MAGI1: variants seen among roughly 807,000 people sequenced by gnomAD.
MAGI1 encodes the protein membrane associated guanylate kinase, WW and PDZ domain containing 1, also known as membrane-associated guanylate kinase, WW and PDZ domain-containing protein 1.
A neutral mutation model predicts 139.9 loss-of-function variants in MAGI1; 58 were observed. The ratio of observed to expected loss-of-function variants is 0.41; its 90% confidence interval spans 0.34 to 0.52. The LOEUF (loss-of-function observed/expected upper bound fraction) is 0.52, where lower values mean the gene tolerates loss of function less well. Among genes scored for constraint, MAGI1 ranks in the 20% least tolerant of loss-of-function variants. The probability of loss-of-function intolerance (pLI) is 0.12; values close to 1 mark genes in which losing one functional copy is unlikely to be tolerated. For missense variants in MAGI1, 1,874 were observed against 1,901.6 expected (o/e 0.99, Z 0.27); for synonymous variants, 812 against 737.9 (o/e 1.10, Z -1.63).
intron 3 of MAGI1, among the ~76,000 whole-genome samples, chr3:65,489,403 T>C (rs747810620): frequency 4.8e-4 from 73 of 152,340 alleles, no homozygotes; most frequent in Middle Eastern, 6.8e-3. Flanking sequence ...AAGGCTTGCT[T>C]TAAAACTGTG....
chr3:65,492,465 G>C (rs1465248937), intron 3 of MAGI1, among the ~76,000 whole-genome samples: 1 of 152,074 alleles, frequency 6.6e-6, no homozygotes, highest in African/African-American at 2.4e-5. Context: ...ATAAATTACG[G>C]TATGCCCATA....
intron 10 of MAGI1, among the ~76,000 whole-genome samples, chr3:65,436,085 G>A (rs1947826588): frequency 1.3e-5 from 2 of 152,022 alleles, no homozygotes; most frequent in Admixed American, 6.6e-5. Flanking sequence ...CCATTAAAAA[G>A]TGCATTCATG....
chr3:65,897,548 A>G (rs2061026621), intron 1 of MAGI1, among the ~76,000 whole-genome samples: 1 of 152,070 alleles, frequency 6.6e-6, no homozygotes, highest in Non-Finnish European at 1.5e-5. Context: ...GCAAACCAAC[A>G]TGGCACATGT....
chr3:65,752,578 C>CTG (rs1484277143), intron 1 of MAGI1, among the ~76,000 whole-genome samples: 1 of 152,142 alleles, frequency 6.6e-6, no homozygotes, highest in Non-Finnish European at 1.5e-5. Flanking sequence ...AAGCAAGCTA[C>CTG]TAAGGTTATG....
chr3:65,724,501 T>C (rs139109759), intron 1 of MAGI1, among the ~76,000 whole-genome samples: 149 of 152,332 alleles, frequency 9.8e-4, no homozygotes, highest in African/African-American at 3.5e-3. Flanking sequence ...TTAGAATGGA[T>C]GCTATCTGAA....
At chr3:65,573,224 T>C (rs928906841) in intron 2 of MAGI1, among the ~76,000 whole-genome samples, 1 of 152,058 alleles carries the variant, frequency 6.6e-6, no homozygotes, top group African/African-American at 2.4e-5. Flanking sequence ...CTACTTAATA[T>C]TATAGACATA....
At chr3:65,715,381 A>G (rs532149526) in intron 1 of MAGI1, among the ~76,000 whole-genome samples, 2 of 152,310 alleles carry the variant, frequency 1.3e-5, no homozygotes, top group African/African-American at 4.8e-5. Flanking sequence ...TTTTAGTAAT[A>G]CAGGTGTAAG....
intron 1 of MAGI1, among the ~76,000 whole-genome samples, chr3:65,650,061 G>A (rs922087271): frequency 1.6e-4 from 24 of 152,144 alleles, no homozygotes; most frequent in Admixed American, 2.6e-4. Context: ...TGAGAGGTGT[G>A]ACCTTTAAGA....
intron 18 of MAGI1, among the ~76,000 whole-genome samples, chr3:65,365,425 A>T (rs1309932084): frequency 1.3e-5 from 2 of 152,216 alleles, no homozygotes; most frequent in Non-Finnish European, 2.9e-5. Flanking sequence ...AAGTGTACTA[A>T]CAACTTGTTA....
chr3:65,800,219 A>C (rs1245103129), intron 1 of MAGI1, among the ~76,000 whole-genome samples: 1 of 152,214 alleles, frequency 6.6e-6, no homozygotes, highest in Non-Finnish European at 1.5e-5. Context: ...GCCTTTAGTA[A>C]GTGCTAATCC....
At position 65,453,187 on chromosome 3, in the gene MAGI1, G is replaced by A. The variant is rs757832479; in HGVS notation, c.1042+71C>T. On this transcript the variant is annotated intron_variant, in intron 6 of 22. Coordinates refer to ENST00000402939, the MANE Select transcript of MAGI1 (RefSeq NM_001033057.2). ...CATAAGACCCGACTGACCTGGCTAC[G>A]ACTCTTTAAAATTTGCACATGTGAA... 57 of 1,349,644 alleles carry A rather than the reference G, an allele frequency of 4.2e-5. No homozygotes were observed. In the East Asian group the frequency reaches 6.6e-4, roughly 16 times the overall value. 83.6% of individuals were successfully genotyped at this position (1,349,644 alleles called of 1,614,324 possible).
chr3:65,390,916 A>G (rs1943872863), intron 14 of MAGI1, among the ~76,000 whole-genome samples: 1 of 152,198 alleles, frequency 6.6e-6, no homozygotes, highest in Non-Finnish European at 1.5e-5. Context: ...TACCCAGGGC[A>G]TTTATGTGAT....
chr3:65,478,502 G>A, intron 4 of MAGI1, 90 bp downstream of exon 4: 1 of 1,293,914 alleles, frequency 7.7e-7, no homozygotes, highest in South Asian at 1.2e-5. Context: ...AATCCCTCCT[G>A]AGAACAGCAT....
chr3:65,650,469 A>G (rs2085517221), intron 1 of MAGI1, among the ~76,000 whole-genome samples: 2 of 152,240 alleles, frequency 1.3e-5, no homozygotes, highest in South Asian at 2.1e-4. Flanking sequence ...GGAAGGAACT[A>G]TTGATACATG....
At chr3:65,397,725 A>C (rs1186185184) in intron 13 of MAGI1, among the ~76,000 whole-genome samples, 6 of 152,166 alleles carry the variant, frequency 3.9e-5, no homozygotes, top group Non-Finnish European at 8.8e-5. Context: ...ATGATGACTT[A>C]TAAGTTATTA....
chr3:65,902,847 T>C (rs551796087), intron 1 of MAGI1: 1 of 152,874 alleles, frequency 6.5e-6, no homozygotes, highest in African/African-American at 2.4e-5. Context: ...AAAATGAAAA[T>C]TGCCTTAAGG....
chr3:65,809,231 T>C (rs1371329256), intron 1 of MAGI1, among the ~76,000 whole-genome samples: 1 of 152,172 alleles, frequency 6.6e-6, no homozygotes, highest in Non-Finnish European at 1.5e-5. Flanking sequence ...CTGGGATAAC[T>C]GCCCACGGTG....
At chr3:65,908,958 A>G (rs946514265) in intron 1 of MAGI1, among the ~76,000 whole-genome samples, 1 of 152,214 alleles carries the variant, frequency 6.6e-6, no homozygotes, top group Non-Finnish European at 1.5e-5. Flanking sequence ...TCATAAATTT[A>G]TGGTTCTAAA....
At position 65,493,673 on chromosome 3, in the gene MAGI1, C is replaced by T. The variant is rs754214812; in HGVS notation, c.431-42G>A. 9.3e-6 allele frequency: 15 copies of T among 1,611,234 alleles called. No homozygotes were observed. The Admixed American group carries it at 2.3e-4, about 25-fold the overall frequency. On this transcript the variant is annotated intron_variant, in intron 2 of 22. Coordinates refer to ENST00000402939, the MANE Select transcript of MAGI1 (RefSeq NM_001033057.2). The stretch of plus-strand genomic sequence containing the variant: ...AAAGGCACAACAAACCATCAATCAA[C>T]TAAAACAGGAAGTTCCACATCCAGG...
Sources: gnomAD v4.1 joint callset for allele counts (sites outside exome capture counted in the v4.1 genomes callset) on GRCh38, gnomAD v4.1.1 for gene constraint, MANE v1.5 for transcripts, NCBI Gene and HGNC (gene_info 2026-07-23, HGNC 2026-07-21) for gene names.